Variants in GBE1 observed in about 807,000 individuals in gnomAD.
GBE1 encodes the protein 1,4-alpha-glucan branching enzyme 1, also known as 1,4-alpha-glucan-branching enzyme.
GBE1 carries 70 observed loss-of-function variants against 88.8 expected under a neutral mutation model. The ratio of observed to expected loss-of-function variants is 0.79; its 90% CI spans 0.65 to 0.96. The LOEUF (loss-of-function observed/expected upper bound fraction) is 0.96, where lower values mean the gene tolerates loss of function less well. Among genes scored for constraint, GBE1 ranks in the 40% least tolerant of loss-of-function variants. The pLI, the probability that GBE1 is intolerant of heterozygous loss-of-function variation, is 0.00. For synonymous variants in GBE1, 284 were observed against 300.1 expected (o/e 0.95, Z 0.56); for missense variants, 872 against 871.0 (o/e 1.00, Z -0.01).
At chr3:81,529,014 T>TG (rs1329335144) in intron 14 of GBE1, among the ~76,000 whole-genome samples, 10 of 152,222 alleles carry the variant, frequency 6.6e-5, no homozygotes, top group African/African-American at 2.4e-4. Context: ...TTTTGTTTTT[T>TG]GTTTTCTGGT....
intron 7 of GBE1, among the ~76,000 whole-genome samples, chr3:81,611,000 G>A (rs1206161826): frequency 6.8e-6 from 1 of 147,332 alleles, no homozygotes; most frequent in Non-Finnish European, 1.5e-5. Context: ...ATATACTGGG[G>A]CTTTAAAAAA....
intron 1 of GBE1, among the ~76,000 whole-genome samples, chr3:81,723,026 C>A (rs1575766410): frequency 6.6e-6 from 1 of 151,192 alleles, no homozygotes; most frequent in East Asian, 1.9e-4. Flanking sequence ...CAATAGTAGG[C>A]ACTCCTGAAT....
intron 14 of GBE1, among the ~76,000 whole-genome samples, chr3:81,524,615 T>C (rs1405108997): frequency 6.6e-6 from 1 of 151,912 alleles, no homozygotes; most frequent in Non-Finnish European, 1.5e-5. Flanking sequence ...CTAGCTTCAT[T>C]TTTCCACATA....
chr3:81,759,175 G>A (rs576699600), intron 1 of GBE1, among the ~76,000 whole-genome samples: 7 of 152,248 alleles, frequency 4.6e-5, no homozygotes, highest in Admixed American at 4.6e-4. Context: ...GCATGAAAAC[G>A]GACTAATACA....
intron 14 of GBE1, among the ~76,000 whole-genome samples, chr3:81,513,228 G>A: frequency 6.6e-6 from 1 of 151,374 alleles, no homozygotes; most frequent in African/African-American, 2.4e-5. Context: ...ATAACATGAA[G>A]AATAGGTGGA....
At position 81,640,249 on chromosome 3, in the gene GBE1, C is replaced by A. The variant is rs563267205; in HGVS notation, c.992+2532G>T. Among the ~76,000 whole-genome samples the A allele has an allele frequency of 2.6e-5, 4 of 151,450 alleles. No homozygotes were observed. In the East Asian group the frequency reaches 5.9e-4, roughly 22 times the overall value. Reference sequence around the variant, plus strand: ...GGAGATTAACATTTGAGTCAGTGGACTGGAAAAGGCAGACCTACCCTCAGT... The same window carrying A: ...GGAGATTAACATTTGAGTCAGTGGAATGGAAAAGGCAGACCTACCCTCAGT... On this transcript the variant is annotated intron_variant, in intron 7 of 15. Coordinates refer to ENST00000429644, the MANE Select transcript of GBE1 (RefSeq NM_000158.4).
chr3:81,538,518 A>C lies in GBE1; in HGVS notation c.1619-1423T>G, dbSNP rs137887582. Among the ~76,000 whole-genome samples, 625 of 152,092 alleles carry C rather than the reference A, an allele frequency of 4.1e-3. 8 individuals are homozygous for C. Among genetic ancestry groups the C allele is most frequent in the Non-Finnish European group, 3.4e-3 (232 of 67,948 alleles). On this transcript the variant is annotated intron_variant, in intron 12 of 15. Coordinates refer to ENST00000429644, the MANE Select transcript of GBE1 (RefSeq NM_000158.4). The stretch of plus-strand genomic sequence containing the variant: ...TGTGTCATAGCAGAGAGCCGACTTT[A>C]TGAGGCTATATTAGGATGCTTTAAA...
At chr3:81,574,394 C>T (rs1309835970) in intron 12 of GBE1, among the ~76,000 whole-genome samples, 2 of 152,080 alleles carry the variant, frequency 1.3e-5, no homozygotes, top group Non-Finnish European at 2.9e-5. Flanking sequence ...ATTTCACCCT[C>T]AAAACAATCT....
chr3:81,634,039 C>T (rs1362554280), intron 7 of GBE1, among the ~76,000 whole-genome samples: 1 of 152,162 alleles, frequency 6.6e-6, no homozygotes, highest in African/African-American at 2.4e-5. Flanking sequence ...ACGAAAGCAA[C>T]TGACAATTGT....
chr3:81,633,855 T>C (rs183960487), intron 7 of GBE1, among the ~76,000 whole-genome samples: 8 of 152,314 alleles, frequency 5.3e-5, no homozygotes, highest in African/African-American at 1.7e-4. Flanking sequence ...AACCCAGAGA[T>C]AGCCTTAGTG....
chr3:81,528,672 C>T (rs148654984), intron 14 of GBE1, among the ~76,000 whole-genome samples: 423 of 152,046 alleles, frequency 2.8e-3, no homozygotes, highest in African/African-American at 9.8e-3. Context: ...GTGTGGGGTG[C>T]ATATCTAGTT....
chr3:81,552,189 G>A (rs1467359339), intron 12 of GBE1, among the ~76,000 whole-genome samples: 1 of 152,144 alleles, frequency 6.6e-6, no homozygotes, highest in Non-Finnish European at 1.5e-5. Flanking sequence ...ACAGGATAGT[G>A]GGTGAAGTAA....
At chr3:81,749,432 C>G (rs1268671529) in intron 1 of GBE1, among the ~76,000 whole-genome samples, 1 of 151,938 alleles carries the variant, frequency 6.6e-6, no homozygotes, top group Admixed American at 6.6e-5. Context: ...AACCATATAA[C>G]TCACTGGTTG....
rs950172239 is a variant in GBE1, at chr3:81,733,144, A to G, written c.144-27531T>C. Among the ~76,000 whole-genome samples, 9 of 152,102 alleles carry G rather than the reference A, an allele frequency of 5.9e-5. No individual in the cohort carries two copies. Among genetic ancestry groups the G allele is most frequent in the Admixed American group, 2.6e-4 (4 of 15,250 alleles). ...CCTGAGCTCCACCTCCTGTCAGATCAGCGGTGGCATTAGATTCCCATAGCA... is the reference window on the plus strand; with the variant it reads ...CCTGAGCTCCACCTCCTGTCAGATCGGCGGTGGCATTAGATTCCCATAGCA... On this transcript the variant is annotated intron_variant, in intron 1 of 15. Transcript: ENST00000429644. The surrounding 1 kb of genome is among the most constrained non-coding windows in gnomAD (Gnocchi z 4.0).
At chr3:81,726,008 A>G (rs1706107513) in intron 1 of GBE1, among the ~76,000 whole-genome samples, 2 of 151,146 alleles carry the variant, frequency 1.3e-5, no homozygotes. Flanking sequence ...TGCTCAACAT[A>G]TTTCTTCTTA....
At chr3:81,658,873 C>T (rs1246275533) in intron 3 of GBE1, among the ~76,000 whole-genome samples, 1 of 152,004 alleles carries the variant, frequency 6.6e-6, no homozygotes, top group Non-Finnish European at 1.5e-5. Context: ...ATAAACACTC[C>T]TAAGTGAAAA....
intron 8 of GBE1, among the ~76,000 whole-genome samples, chr3:81,591,686 T>A (rs1703879307): frequency 6.6e-6 from 1 of 152,172 alleles, no homozygotes; most frequent in South Asian, 2.1e-4. Flanking sequence ...TCCTACCTCC[T>A]CTTCTCTCAC....
chr3:81,750,571 A>ATATG (rs1553696570), intron 1 of GBE1, among the ~76,000 whole-genome samples: 2 of 64,834 alleles, frequency 3.1e-5, no homozygotes, highest in Admixed American at 1.6e-4. Context: ...ATGTATATAT[A>ATATG]TATACGTATA....
intron 1 of GBE1, among the ~76,000 whole-genome samples, chr3:81,718,937 C>T (rs1360337463): frequency 6.6e-6 from 1 of 151,836 alleles, no homozygotes; most frequent in Admixed American, 6.6e-5. Context: ...GCCCTGCCCA[C>T]CCCAGTAAGT....
Sources: allele counts gnomAD v4.1 joint callset (sites outside exome capture counted in the v4.1 genomes callset), GRCh38; gene constraint gnomAD v4.1.1; non-coding constraint Gnocchi (gnomAD v3.1); transcripts MANE v1.5; gene names NCBI Gene and HGNC (gene_info 2026-07-23, HGNC 2026-07-21).